HCFC1R1: variants seen among roughly 807,000 people sequenced by gnomAD.
HCFC1R1 encodes HCF-1 beta-propeller-interacting protein.
A neutral mutation model predicts 13.3 loss-of-function variants in HCFC1R1; 17 were observed. The ratio of observed to expected loss-of-function variants is 1.28; its 90% confidence interval spans 0.87 to 1.91. HCFC1R1 has a LOEUF of 1.91. Ranked by LOEUF, HCFC1R1 falls within the 40% of genes most tolerant of loss-of-function variation. HCFC1R1 has a pLI of 0.00. For missense variants in HCFC1R1, 218 were observed against 177.9 expected (o/e 1.23, Z -1.28); for synonymous variants, 87 against 71.1 (o/e 1.22, Z -1.12).
chr16:3,023,003 A>G lies in HCFC1R1; in HGVS notation c.282-5T>C, dbSNP rs1229774949. On this transcript the variant is annotated splice_region_variant and splice_polypyrimidine_tract_variant and intron_variant, in intron 3 of 3. Coordinates refer to ENST00000248089, the MANE Select transcript of HCFC1R1 (RefSeq NM_017885.4). ...AGCAGCTCAGAGCAAGGGCTCCTAG[A>G]AGAGGAAATGACTGTCAGGGCATGG... 2.5e-6 allele frequency: 4 copies of G among 1,596,430 alleles called. No homozygotes were observed. The highest frequency in any genetic ancestry group is 1.8e-5 in the Admixed American group (1 of 55,048).
upstream of HCFC1R1, chr16:3,024,230 A>G: frequency 6.6e-7 from 1 of 1,516,688 alleles, no homozygotes; most frequent in Non-Finnish European, 9.1e-7. Flanking sequence ...TTCGCGCCGA[A>G]GGCGGTAGGG....
intron 3 of HCFC1R1, 44 bp downstream of exon 3, chr16:3,023,188 AC>A (rs771660329): frequency 1.3e-6 from 2 of 1,526,192 alleles, no homozygotes; most frequent in South Asian, 2.5e-5. Context: ...AGCTGTGAGG[AC>A]CGCCTGTGAT....
At chr16:3,024,070 G>C (rs1472188518), upstream of HCFC1R1, 11 of 807,540 alleles carry the variant, frequency 1.4e-5, no homozygotes, top group Admixed American at 2.8e-4. Flanking sequence ...CGGAAGACGG[G>C]CGGCGCGTGG....
Position 3,022,987 on chromosome 16 carries a change from G to C in HCFC1R1, c.293C>G (p.Ser98Cys). 1.9e-6 allele frequency: 3 copies of C among 1,598,936 alleles called. No individual in the cohort carries two copies. The highest frequency in any genetic ancestry group is 2.6e-6 in the Non-Finnish European group (3 of 1,175,554). Reference sequence around the variant, plus strand: ...AGGATAGCGCCAGAGAAGCAGCTCAGAGCAAGGGCTCCTAGAAGAGGAAAT... The same window carrying C: ...AGGATAGCGCCAGAGAAGCAGCTCACAGCAAGGGCTCCTAGAAGAGGAAAT... ...PALPPLRSPCSELLLWRYPGS... is the reference protein window; with the variant it reads ...PALPPLRSPCCELLLWRYPGS... Residue 98 changes from serine to cysteine, a missense_variant, in exon 4 of 4, where the codon TCT becomes TGT. Coordinates refer to ENST00000248089, the MANE Select transcript of HCFC1R1 (RefSeq NM_017885.4).
At chr16:3,023,433 CAG>C (rs1269903280) in intron 2 of HCFC1R1, 39 bp downstream of exon 2, 14 of 1,613,782 alleles carry the variant, frequency 8.7e-6, no homozygotes, top group Non-Finnish European at 1.1e-5. Context: ...CCAGAGGTGA[CAG>C]AGATCTTGTT....
chr16:3,024,091 G>T, upstream of HCFC1R1: 1 of 749,718 alleles, frequency 1.3e-6, no homozygotes. Flanking sequence ...CGGAAGGCAG[G>T]CTTGCTCCTC....
At chr16:3,024,239 G>T, upstream of HCFC1R1, 2 of 1,555,024 alleles carry the variant, frequency 1.3e-6, no homozygotes, top group East Asian at 2.3e-5. Flanking sequence ...AAGGCGGTAG[G>T]GCGCCACGGA....
chr16:3,024,115 G>A (rs766651818), upstream of HCFC1R1: 159 of 707,396 alleles, frequency 2.2e-4, 1 homozygote, highest in Non-Finnish European at 3.4e-4. Context: ...GTGGGGGAGG[G>A]TATCCGGCTT....
chr16:3,023,722 TC>T, intron 1 of HCFC1R1, 124 bp downstream of exon 1: 1 of 1,036,252 alleles, frequency 9.7e-7, no homozygotes, highest in Non-Finnish European at 1.4e-6. Flanking sequence ...CCCAGTCCCA[TC>T]TCAGCTCACG....
At chr16:3,024,260 T>C (rs2072720676), upstream of HCFC1R1, 3 of 1,602,836 alleles carry the variant, frequency 1.9e-6, no homozygotes, top group Admixed American at 3.3e-5. Context: ...GAGGAACCGC[T>C]CTAGGCACGT....
chr16:3,024,191 A>G, upstream of HCFC1R1: 1 of 1,086,430 alleles, frequency 9.2e-7, no homozygotes, highest in Non-Finnish European at 1.4e-6. Context: ...CTCGGCTCCT[A>G]GGGTTCGGGA....
upstream of HCFC1R1, chr16:3,024,017 G>A (rs1007325493): frequency 1.2e-5 from 14 of 1,190,266 alleles, no homozygotes; most frequent in Non-Finnish European, 1.6e-5. Context: ...GAGAGGATGG[G>A]CGTGGCTTTA....
chr16:3,023,563 C>A (rs754336549), intron 1 of HCFC1R1, 33 bp from the exon 2 acceptor site: 2 of 1,529,202 alleles, frequency 1.3e-6, no homozygotes, highest in South Asian at 2.5e-5. Flanking sequence ...TGCACCCCAC[C>A]CTCTTGGCCC....
At position 3,023,927 on chromosome 16, in the gene HCFC1R1, C is replaced by T. The variant is rs1450677384; in HGVS notation, c.15G>A (p.Gln5=). Residue 5 remains glutamine, a synonymous_variant, in exon 1 of 4, where the codon CAG becomes CAA. Coordinates refer to ENST00000248089, the MANE Select transcript of HCFC1R1 (RefSeq NM_017885.4). The part of the protein sequence containing the change: MILQ[Q]PLQRGPQGGA... Reference sequence around the variant, plus strand: ...CTCCCTGGGGGCCTCGCTGCAAGGGCTGCTGCAGGATCATTGGGTTTTGGG... The same window carrying T: ...CTCCCTGGGGGCCTCGCTGCAAGGGTTGCTGCAGGATCATTGGGTTTTGGG... 1 of 1,556,386 alleles carries T rather than the reference C, an allele frequency of 6.4e-7. No individual in the cohort carries two copies.
chr16:3,023,975 G>C (rs1458219225), upstream of HCFC1R1: 1 of 1,458,490 alleles, frequency 6.9e-7, no homozygotes, highest in Non-Finnish European at 9.3e-7. Flanking sequence ...GGATCTGGGC[G>C]ACAGGGGAGG....
upstream of HCFC1R1, chr16:3,024,246 C>G (rs1294969750): frequency 6.3e-7 from 1 of 1,580,358 alleles, no homozygotes; most frequent in East Asian, 2.2e-5. Flanking sequence ...TAGGGCGCCA[C>G]GGAGAGGAAC....
Position 3,023,243 on chromosome 16 carries a change from G to C in HCFC1R1, c.271C>G (p.Pro91Ala), listed in dbSNP as rs1375254866. Residue 91 changes from proline (P) to alanine (A), a missense_variant, in exon 3 of 4, where the codon CCC becomes GCC. By Grantham distance (27) the Pro-to-Ala change is conservative (BLOSUM62 -1). Coordinates refer to ENST00000248089, the MANE Select transcript of HCFC1R1 (RefSeq NM_017885.4). ...AGTGGAGGAACCTACCTGAGTGGGG[G>C]CAGGGCTGGGGAGAAGGTCATGGGG... ...SPPMTFSPAL[P>A]PLRSPCSELL... The C allele has an allele frequency of 1.3e-6, 2 of 1,553,814 alleles. No individual in the cohort carries two copies. The highest frequency in any genetic ancestry group is 1.7e-6 in the Non-Finnish European group (2 of 1,149,556).
chr16:3,023,454 C>A lies in HCFC1R1; in HGVS notation c.152+20G>T, dbSNP rs1449492499. On this transcript the variant is annotated intron_variant, in intron 2 of 3. Transcript: ENST00000248089. Reference sequence around the variant, plus strand: ...GTGACAGAGATCTTGTTGGGAGTCCCTCCCTGCCCCCAAACTCACTGCTCC... The same window carrying A: ...GTGACAGAGATCTTGTTGGGAGTCCATCCCTGCCCCCAAACTCACTGCTCC... 1 of 1,613,632 alleles carries A rather than the reference C, an allele frequency of 6.2e-7. No individual in the cohort carries two copies. Among genetic ancestry groups the A allele is most frequent in the Non-Finnish European group, 8.5e-7 (1 of 1,179,802 alleles).
At chr16:3,024,070 G>T, upstream of HCFC1R1, 1 of 807,658 alleles carries the variant, frequency 1.2e-6, no homozygotes, top group East Asian at 2.7e-5. Flanking sequence ...CGGAAGACGG[G>T]CGGCGCGTGG....
Sources: allele counts gnomAD v4.1 joint callset, GRCh38; gene constraint gnomAD v4.1.1; transcripts MANE v1.5; gene names NCBI Gene and HGNC (gene_info 2026-07-23, HGNC 2026-07-21).